Variants in ATP7A observed in about 807,000 individuals in gnomAD.
ATP7A encodes the protein ATPase copper transporting alpha, also known as copper-transporting ATPase 1.
Under a neutral mutation model 83.5 loss-of-function variants are expected in ATP7A, and 7 were observed. That is an observed-to-expected ratio of 0.08 (90% CI 0.05 to 0.16). The LOEUF is 0.16. Ranked by LOEUF, ATP7A falls within the 10% of genes least tolerant of loss-of-function variation. The pLI, the probability that ATP7A is intolerant of heterozygous loss-of-function variation, is 1.00. For missense variants in ATP7A, 940 were observed against 1,120.8 expected (o/e 0.84, Z 2.30); for synonymous variants, 354 against 395.2 (o/e 0.90, Z 1.24).
At position 77,988,303 on chromosome X, in the gene ATP7A, C is replaced by T. The variant is rs1293902838; in HGVS notation, c.182C>T (p.Thr61Ile). ...IYDPKLQTPK[T>I]LQEAIDDMGF... The stretch of plus-strand genomic sequence containing the variant: ...GACCCTAAACTACAGACTCCAAAGA[C>T]CCTACAGGAAGCTATTGATGACATG... The change falls in exon 3 of 23, where the codon ACC becomes ATC. Residue 61 changes from threonine to isoleucine, a missense_variant. Physicochemically the swap from Thr to Ile is moderately conservative, Grantham distance 89. This residue lies in a region of ATP7A where 350 missense variants were observed against 432.8 expected (regional missense o/e 0.81). Transcript: ENST00000341514. The T allele has an allele frequency of 8.3e-7, 1 of 1,200,133 alleles. No individual in the cohort carries two copies. The highest frequency in any genetic ancestry group is 1.1e-6 in the Non-Finnish European group (1 of 890,430).
At chrX:77,931,167 T>G (rs1028930443) in intron 1 of ATP7A, among the ~76,000 whole-genome samples, 3 of 109,016 alleles carry the variant, frequency 2.8e-5, no homozygotes, top group African/African-American at 1.0e-4. Flanking sequence ...GTGGCCTTCC[T>G]CAGTGTTTGT....
rs2077896754 is a variant in ATP7A at position 78,020,352 on chromosome X, C to T, written c.2735C>T (p.Thr912Ile). ...ICATHVGADT[T>I]LSQIVKLVEE... ...GCAACACATGTTGGAGCAGACACAA[C>T]CCTTTCTCAAATTGTCAAACTTGTG... is the stretch of plus-strand genomic sequence containing the variant. The change falls in exon 13 of 23, where the codon ACC becomes ATC. Residue 912 changes from threonine to isoleucine, a missense_variant. Thr to Ile is a moderately conservative substitution (Grantham distance 89, BLOSUM62 -1). Around this residue, in one of 3 missense-constraint regions of ATP7A, gnomAD observed 386 missense variants for 502.2 expected, o/e 0.77. Transcript: ENST00000341514. 8.3e-7 allele frequency: 1 copy of T among 1,211,788 alleles called. No individual in the cohort carries two copies. Among genetic ancestry groups the T allele is most frequent in the Non-Finnish European group, 1.1e-6 (1 of 895,443 alleles).
intron 4 of ATP7A, among the ~76,000 whole-genome samples, chrX:77,993,675 A>G (rs1261252916): frequency 3.6e-5 from 4 of 111,533 alleles, no homozygotes; most frequent in Admixed American, 9.6e-5. Flanking sequence ...TGATATTGGC[A>G]TAGCAGATCA....
chrX:77,936,659 A>G (rs782585978), intron 1 of ATP7A, among the ~76,000 whole-genome samples: 1 of 112,624 alleles, frequency 8.9e-6, no homozygotes, highest in African/African-American at 3.2e-5. Context: ...AAAGACTTTG[A>G]AAGAAATGTG....
At chrX:78,013,701 A>G (rs2077842460) in intron 10 of ATP7A, among the ~76,000 whole-genome samples, 1 of 111,842 alleles carries the variant, frequency 8.9e-6, no homozygotes, top group Non-Finnish European at 1.9e-5. Flanking sequence ...GAACATACTC[A>G]TGTCTAATAG....
At chrX:77,939,298 A>G (rs1469457699) in intron 1 of ATP7A, among the ~76,000 whole-genome samples, 1 of 107,196 alleles carries the variant, frequency 9.3e-6, no homozygotes, top group African/African-American at 3.4e-5. Flanking sequence ...CACTGTCTCA[A>G]AAAAAAAAAA....
chrX:78,009,661 T>C (rs782584853), intron 7 of ATP7A, among the ~76,000 whole-genome samples: 2 of 112,262 alleles, frequency 1.8e-5, no homozygotes, highest in African/African-American at 6.5e-5. Flanking sequence ...GTAAGAAATT[T>C]AAAAGACTAA....
At chrX:77,927,802 C>A (rs781967505) in intron 1 of ATP7A, among the ~76,000 whole-genome samples, 1 of 110,482 alleles carries the variant, frequency 9.1e-6, no homozygotes, top group Admixed American at 9.7e-5. Flanking sequence ...CAACAGGCCC[C>A]GGTGTGTGAT....
At chrX:77,942,614 T>A (rs1468702513) in intron 1 of ATP7A, among the ~76,000 whole-genome samples, 1 of 109,541 alleles carries the variant, frequency 9.1e-6, no homozygotes, top group Non-Finnish European at 1.9e-5. Context: ...ACTGGCTAAT[T>A]TTTTTTATTT....
At chrX:78,009,017 C>CAAA (rs370905128) in intron 6 of ATP7A, 85 bp from the exon 7 acceptor site, 430 of 805,287 alleles carry the variant, frequency 5.3e-4, no homozygotes, top group Middle Eastern at 8.7e-4. Flanking sequence ...GACTCTGTCT[C>CAAA]AAAAAAAAAA....
chrX:77,988,700 T>A lies in ATP7A; in HGVS notation c.579T>A (p.Ile193=), dbSNP rs2077652795. Residue 193 remains isoleucine (I), a synonymous_variant, in exon 3 of 23, where the codon ATT becomes ATA. Transcript: ENST00000341514. ...HSCTSTIEGK[I]GKLQGVQRIK... is the part of the protein sequence containing the mutation. ...GTACTAGCACTATTGAAGGAAAAAT[T>A]GGGAAACTGCAAGGTGTTCAGCGAA... 1.2e-5 allele frequency: 15 copies of A among 1,209,140 alleles called. No homozygotes were observed. The highest frequency in any genetic ancestry group is 1.7e-5 in the Non-Finnish European group (15 of 894,886).
chrX:77,931,056 C>T (rs1246692026), intron 1 of ATP7A, among the ~76,000 whole-genome samples: 2 of 73,472 alleles, frequency 2.7e-5, no homozygotes, highest in South Asian at 6.9e-4. Flanking sequence ...GGGTGTTTCT[C>T]GCAGAGGGGG....
chrX:77,992,668 A>G (rs1429829118), intron 4 of ATP7A, among the ~76,000 whole-genome samples: 6 of 110,344 alleles, frequency 5.4e-5, no homozygotes, highest in Admixed American at 9.6e-5. Flanking sequence ...CTGAAGTGCA[A>G]TGGCATGATC....
intron 12 of ATP7A, among the ~76,000 whole-genome samples, chrX:78,018,760 A>G (rs781798406): frequency 3.6e-5 from 4 of 112,322 alleles, no homozygotes; most frequent in Non-Finnish European, 7.5e-5. Context: ...TGGGTAATTT[A>G]TGAAGGAAGG....
chrX:77,977,255 A>G (rs2077581364), intron 2 of ATP7A, among the ~76,000 whole-genome samples: 1 of 111,687 alleles, frequency 9.0e-6, no homozygotes, highest in African/African-American at 3.3e-5. Context: ...CTCAGATGAA[A>G]CTAATTAAAC....
chrX:77,938,126 G>A (rs782647358), intron 1 of ATP7A, among the ~76,000 whole-genome samples: 16 of 111,811 alleles, frequency 1.4e-4, no homozygotes, highest in Non-Finnish European at 2.6e-4. Context: ...GTCATAGAAT[G>A]TGTATTTTAG....
chrX:77,984,572 G>T (rs191233322), intron 2 of ATP7A, among the ~76,000 whole-genome samples: 1 of 110,622 alleles, frequency 9.0e-6, no homozygotes, highest in East Asian at 2.8e-4. Flanking sequence ...TTCCTGCATT[G>T]GCTAGGCTGG....
Position 78,031,389 on chromosome X carries a change from T to C in ATP7A, c.3112-11T>C. The C allele has an allele frequency of 8.3e-7, 1 of 1,204,189 alleles. No individual in the cohort carries two copies. The highest frequency in any genetic ancestry group is 1.1e-6 in the Non-Finnish European group (1 of 888,730). ...GGATCATCAAGTCATTGTATCTTAA[T>C]TTTTTTACAGGTAAAGGTAGTGGTA... is the stretch of plus-strand genomic sequence containing the variant. On this transcript the variant is annotated splice_polypyrimidine_tract_variant and intron_variant, in intron 15 of 22. Transcript: ENST00000341514.
At chrX:78,005,543 C>T (rs2077767637) in intron 6 of ATP7A, among the ~76,000 whole-genome samples, 1 of 107,427 alleles carries the variant, frequency 9.3e-6, no homozygotes, top group Non-Finnish European at 1.9e-5. Flanking sequence ...ATTAGCCGGG[C>T]GTGGTGGCAC....
Sources: gnomAD v4.1 joint callset for allele counts (sites outside exome capture counted in the v4.1 genomes callset) on GRCh38, gnomAD v4.1.1 for gene constraint, gnomAD v4.1.1 regional missense constraint, MANE v1.5 for transcripts, NCBI Gene and HGNC (gene_info 2026-07-23, HGNC 2026-07-21) for gene names.